PLEKHG2: variants seen among roughly 807,000 people sequenced by gnomAD.
The protein encoded by PLEKHG2 is pleckstrin homology domain-containing family G member 2.
In PLEKHG2, 71 loss-of-function variants were observed where a neutral mutation model predicts 104.4. The observed-to-expected ratio is 0.68, with a 90% confidence interval of 0.56 to 0.83. The LOEUF (loss-of-function observed/expected upper bound fraction) is 0.83. Among genes scored for constraint, PLEKHG2 ranks in the 40% least tolerant of loss-of-function variants. PLEKHG2 has a pLI of 0.00. For missense variants in PLEKHG2, 1,730 were observed against 1,809.4 expected, an observed-to-expected ratio of 0.96 and a Z score of 0.80; for synonymous variants, 728 against 737.0, an observed-to-expected ratio of 0.99 and a Z score of 0.20.
intron 11 of PLEKHG2, among the ~76,000 whole-genome samples, chr19:39,419,718 A>C (rs1432736645): frequency 6.6e-6 from 1 of 152,060 alleles, no homozygotes; most frequent in African/African-American, 2.4e-5. Flanking sequence ...TCTACCAAAA[A>C]TACAAAAAAT....
rs1568401595 is a variant in PLEKHG2, at chr19:39,424,959, GC to G, written c.3829del (p.Leu1277SerfsTer82). 1 of 1,614,188 alleles carries G rather than the reference GC, an allele frequency of 6.2e-7. No homozygotes were observed. Among genetic ancestry groups the G allele is most frequent in the Non-Finnish European group, 8.5e-7 (1 of 1,180,030 alleles). On this transcript the variant is annotated frameshift_variant, in exon 19 of 19. Coordinates refer to ENST00000425673, the MANE Select transcript of PLEKHG2 (RefSeq NM_022835.3). LOFTEE classifies it high-confidence loss of function. ...SRQLLGPNAA[A>X]LSRYLAASYI... ...TCAGCTCCTGGGCCCCAATGCAGCT[GC>G]CCTCTCCAGATACCTGGCAGCCTCA...
chr19:39,413,944 T>G lies in PLEKHG2; in HGVS notation c.-22-121T>G. 1.6e-6 allele frequency: 1 copy of G among 607,434 alleles called. No homozygotes were observed. 37.6% of individuals were successfully genotyped at this position (607,434 alleles called of 1,614,324 possible). On this transcript the variant is annotated intron_variant, in intron 1 of 18. Transcript: ENST00000425673. The surrounding 1 kb of genome is among the most constrained non-coding windows in gnomAD (Gnocchi z 4.5). ...GTCACTTTGTGCCTCCCCCATTAGT[T>G]ACTCCCAGGGGCCCCTCCCTGGATT...
At chr19:39,417,752 C>CTGGGGGGG in intron 8 of PLEKHG2, 60 bp downstream of exon 8, 1 of 375,776 alleles carries the variant, frequency 2.7e-6, no homozygotes, top group Non-Finnish European at 3.9e-6. Context: ...GGCCTTGGGG[C>CTGGGGGGG]GGGTGGGGGG....
Position 39,424,448 on chromosome 19 carries a change from G to C in PLEKHG2, c.3315G>C (p.Gln1105His). 6.2e-7 allele frequency: 1 copy of C among 1,614,090 alleles called. No homozygotes were observed. The highest frequency in any genetic ancestry group is 8.5e-7 in the Non-Finnish European group (1 of 1,180,028). Residue 1105 changes from glutamine (Q) to histidine (H), a missense_variant, in exon 19 of 19, where the codon CAG becomes CAC. Coordinates refer to ENST00000425673, the MANE Select transcript of PLEKHG2 (RefSeq NM_022835.3). ...TGCCATGTCACCTCCCAGACCTTCA[G>C]ATTCCAGGTACCTCACCTTTGCCTG... ...PPLPCHLPDLQIPGTSPLPAH... is the reference protein window; with the variant it reads ...PPLPCHLPDLHIPGTSPLPAH...
intron 11 of PLEKHG2, 75 bp from the exon 12 acceptor site, chr19:39,420,551 C>T: frequency 1.3e-6 from 2 of 1,595,162 alleles, no homozygotes; most frequent in Non-Finnish European, 1.7e-6. Flanking sequence ...ATGGGCATGA[C>T]TACGGTGCTT....
Position 39,415,072 on chromosome 19 carries a change from C to A in PLEKHG2, c.190C>A (p.Pro64Thr). Residue 64 changes from proline to threonine, a missense_variant, in exon 3 of 19, where the codon CCA (proline) becomes ACA (threonine). Coordinates refer to ENST00000425673, the MANE Select transcript of PLEKHG2 (RefSeq NM_022835.3). The surrounding 1 kb of genome is among the most constrained non-coding windows in gnomAD (Gnocchi z 4.6). The stretch of plus-strand genomic sequence containing the variant: ...GAGCACAGTGGGCTCTGAGGGGGAT[C>A]CAGCCCCTGGGCCCACTCCAGCCTG... The part of the protein sequence containing the change: ...SLSTVGSEGD[P>T]APGPTPACSA... 1.3e-6 allele frequency: 2 copies of A among 1,591,424 alleles called. No homozygotes were observed. Among genetic ancestry groups the A allele is most frequent in the Non-Finnish European group, 1.7e-6 (2 of 1,169,476 alleles).
rs754985204 is a variant in PLEKHG2, at chr19:39,425,348, C to G, written c.*54C>G. Reference sequence around the variant, plus strand: ...GGATTTCAGCCAGATGCCATAGACCCTCAGAACTTGACCTGGAAGTCCAGA... The same window carrying G: ...GGATTTCAGCCAGATGCCATAGACCGTCAGAACTTGACCTGGAAGTCCAGA... On this transcript the variant is annotated 3_prime_UTR_variant, in exon 19 of 19. Coordinates refer to ENST00000425673, the MANE Select transcript of PLEKHG2 (RefSeq NM_022835.3). 12 of 1,554,682 alleles carry G rather than the reference C, an allele frequency of 7.7e-6. No individual in the cohort carries two copies. The African/African-American group carries it at 1.7e-4, about 21-fold the overall frequency.
rs955118368 is a variant in PLEKHG2, at chr19:39,425,041, C to G, written c.3908C>G (p.Ala1303Gly). The change falls in exon 19 of 19, where the codon GCC (alanine) becomes GGC (glycine). Residue 1303 changes from alanine (A) to glycine (G), a missense_variant. By Grantham distance (60) the Ala-to-Gly change is moderately conservative. Transcript: ENST00000425673. Reference sequence around the variant, plus strand: ...GGGCCTGGGGGAGGGGCCCCCGCAGCCTCCCGGGGCTCCTGGTCCTCTGCT... The same window carrying G: ...GGGCCTGGGGGAGGGGCCCCCGCAGGCTCCCGGGGCTCCTGGTCCTCTGCT... ...RQGPGGGAPA[A>G]SRGSWSSAPT... 3.8e-6 allele frequency: 6 copies of G among 1,596,538 alleles called. No individual in the cohort carries two copies. Among genetic ancestry groups the G allele is most frequent in the African/African-American group, 1.3e-5 (1 of 74,142 alleles).
At position 39,415,247 on chromosome 19, in the gene PLEKHG2, G is replaced by GCAGCAT; in HGVS notation, c.367_372dup (p.Ser123_Ile124dup). 6.3e-7 allele frequency: 1 copy of GCAGCAT among 1,589,516 alleles called. No individual in the cohort carries two copies. On this transcript the variant is annotated inframe_insertion, in exon 3 of 19. Transcript: ENST00000425673. The surrounding 1 kb of genome is among the most constrained non-coding windows in gnomAD (Gnocchi z 4.6). The stretch of plus-strand genomic sequence containing the variant: ...GAACGGGCCTATGTCAGGGACCTCC[G>GCAGCAT]CAGCATCGTGGAGGTAAGGCGGGCA...
intron 16 of PLEKHG2, 176 bp from the exon 17 acceptor site, chr19:39,421,939 C>A: frequency 3.8e-6 from 2 of 530,064 alleles, no homozygotes; most frequent in Non-Finnish European, 6.1e-6. Context: ...ATCGCTTGAA[C>A]CCGGGAGGCG....
rs544689055 is a variant in PLEKHG2 at position 39,428,010 on chromosome 19, C to T, written c.*2716C>T. 6.6e-6 allele frequency: 1 copy of T among 152,286 alleles called. No individual in the cohort carries two copies. The highest frequency in any genetic ancestry group is 1.9e-4 in the East Asian group (1 of 5,172). 9.4% of individuals were successfully genotyped at this position (152,286 alleles called of 1,614,324 possible). A position where few individuals can be genotyped will look rare whatever the true frequency, so the allele number is the denominator to read the frequency against. On this transcript the variant is annotated 3_prime_UTR_variant, in exon 19 of 19. Transcript: ENST00000425673. ...TTGAAGTGAGGAGTTCGAGACCACA[C>T]CAGCCTGGCCAACATGGTGAAATCC...
In PLEKHG2 at chr19:39,423,492, C is replaced by T. The variant is rs1263977956; in HGVS notation, c.2438C>T (p.Thr813Met). The T allele has an allele frequency of 3.8e-6, 6 of 1,588,440 alleles. No homozygotes were observed. The highest frequency in any genetic ancestry group is 1.3e-5 in the African/African-American group (1 of 74,288). Residue 813 changes from threonine to methionine, a missense_variant, in exon 18 of 19, where the codon ACG (threonine) becomes ATG (methionine). Transcript: ENST00000425673. ...GCAGGAGCCCCGAGTTCAGAAAGGA[C>T]GGCGTCCCGAGTGCGAGAGCTGGCC... ...GKAGAPSSER[T>M]ASRVRELARL... is the part of the protein sequence containing the mutation.
Position 39,416,453 on chromosome 19 carries a change from G to A in PLEKHG2, c.546+39G>A. 1 of 1,605,776 alleles carries A rather than the reference G, an allele frequency of 6.2e-7. No homozygotes were observed. The highest frequency in any genetic ancestry group is 8.5e-7 in the Non-Finnish European group (1 of 1,173,220). ...TGGGGGGCTCTCGGTCCTGGATGGG[G>A]CCTTTGTAGAGGGGGGAGAGCAGGC... On this transcript the variant is annotated intron_variant, in intron 5 of 18. Transcript: ENST00000425673. This position sits in a 1 kb window ranked among gnomAD's most constrained non-coding sequence, Gnocchi z 4.5.
chr19:39,420,868 C>A lies in PLEKHG2; in HGVS notation c.1399+16C>A, dbSNP rs1167868646. On this transcript the variant is annotated intron_variant, in intron 13 of 18. Coordinates refer to ENST00000425673, the MANE Select transcript of PLEKHG2 (RefSeq NM_022835.3). Reference sequence around the variant, plus strand: ...AGGAACACAGGTAAAGGCGGTGGATCCCTGAGTCCCAGCCCTCAGCCCCAC... The same window carrying A: ...AGGAACACAGGTAAAGGCGGTGGATACCTGAGTCCCAGCCCTCAGCCCCAC... 1.9e-6 allele frequency: 3 copies of A among 1,614,058 alleles called. No individual in the cohort carries two copies. The highest frequency in any genetic ancestry group is 2.2e-5 in the South Asian group (2 of 91,080).
intron 7 of PLEKHG2, 41 bp downstream of exon 7, chr19:39,417,041 T>A: frequency 6.4e-7 from 1 of 1,553,082 alleles, no homozygotes; most frequent in Non-Finnish European, 8.7e-7. Flanking sequence ...GAGGGGGAGG[T>A]CCTGTCCCTT....
Position 39,414,994 on chromosome 19 carries a change from C to G in PLEKHG2, c.112C>G (p.Pro38Ala), listed in dbSNP as rs767924564. 6.3e-7 allele frequency: 1 copy of G among 1,592,992 alleles called. No individual in the cohort carries two copies. Among genetic ancestry groups the G allele is most frequent in the Non-Finnish European group, 8.6e-7 (1 of 1,167,742 alleles). Residue 38 changes from proline to alanine, a missense_variant and splice_region_variant, in exon 3 of 19, where the codon CCT (proline) becomes GCT (alanine). Pro to Ala is a conservative substitution (Grantham distance 27). Coordinates refer to ENST00000425673, the MANE Select transcript of PLEKHG2 (RefSeq NM_022835.3). ...CGTVCETRTA[P>A]AAPTMASPRG... ...CCTCCTGTTCCACACCCCAGCAGCT[C>G]CTGCAGCCCCCACCATGGCCTCCCC...
At chr19:39,417,745 C>G in intron 8 of PLEKHG2, 53 bp downstream of exon 8, 2 of 407,614 alleles carry the variant, frequency 4.9e-6, no homozygotes, top group Non-Finnish European at 8.1e-6. Context: ...GCGAGGGGGC[C>G]TTGGGGCGGG....
rs1365909479 is a variant in PLEKHG2 at position 39,425,846 on chromosome 19, T to C, written c.*552T>C. Reference sequence around the variant, plus strand: ...ATCTGGCTATTGCTCCATCTAGCTTTCCCGCTCCATCTACCCATCTTCCAA... The same window carrying C: ...ATCTGGCTATTGCTCCATCTAGCTTCCCCGCTCCATCTACCCATCTTCCAA... On this transcript the variant is annotated 3_prime_UTR_variant, in exon 19 of 19. Transcript: ENST00000425673. 6.4e-6 allele frequency: 1 copy of C among 156,762 alleles called. No homozygotes were observed. Among genetic ancestry groups the C allele is most frequent in the Non-Finnish European group, 1.4e-5 (1 of 71,358 alleles). 9.7% of individuals were successfully genotyped at this position (156,762 alleles called of 1,614,324 possible).
chr19:39,424,338 C>G lies in PLEKHG2; in HGVS notation c.3205C>G (p.Pro1069Ala). 6.2e-7 allele frequency: 1 copy of G among 1,614,128 alleles called. No individual in the cohort carries two copies. Among genetic ancestry groups the G allele is most frequent in the Non-Finnish European group, 8.5e-7 (1 of 1,180,022 alleles). The stretch of plus-strand genomic sequence containing the variant: ...TTCCAGGGATGTTCAGGGCCCAGAC[C>G]CTGTCTGCAGTCAACCCATCCAGCC... ...GGSRDVQGPD[P>A]VCSQPIQPLS... The change falls in exon 19 of 19, where the codon CCT (proline) becomes GCT (alanine). Residue 1069 changes from proline to alanine, a missense_variant. Coordinates refer to ENST00000425673, the MANE Select transcript of PLEKHG2 (RefSeq NM_022835.3).
Sources: allele counts gnomAD v4.1 joint callset (sites outside exome capture counted in the v4.1 genomes callset), GRCh38; gene constraint gnomAD v4.1.1; non-coding constraint Gnocchi (gnomAD v3.1); transcripts MANE v1.5; gene names NCBI Gene and HGNC (gene_info 2026-07-23, HGNC 2026-07-21).